Variants in MIPOL1 observed in about 807,000 individuals in gnomAD.
MIPOL1 encodes mirror-image polydactyly 1.
A neutral mutation model predicts 60.9 loss-of-function variants in MIPOL1; 57 were observed. The observed-to-expected ratio is 0.94, with a 90% CI of 0.76 to 1.17. The LOEUF (loss-of-function observed/expected upper bound fraction) is 1.17. Among genes scored for constraint, MIPOL1 ranks in the 50% most tolerant of loss-of-function variants. The pLI is 0.00. For synonymous variants in MIPOL1, 179 were observed against 168.8 expected (o/e 1.06, Z -0.47); for missense variants, 551 against 511.6 (o/e 1.08, Z -0.74).
At chr14:37,322,005 A>C (rs2088629633) in intron 9 of MIPOL1, among the ~76,000 whole-genome samples, 1 of 151,902 alleles carries the variant, frequency 6.6e-6, no homozygotes. Context: ...CTTGGAATCT[A>C]TTATTATATT....
intron 1 of MIPOL1, among the ~76,000 whole-genome samples, chr14:37,204,115 G>A (rs974903834): frequency 1.3e-5 from 2 of 151,988 alleles, no homozygotes; most frequent in African/African-American, 2.4e-5. Flanking sequence ...AACGACCACC[G>A]AGAGAGTTTG....
chr14:37,356,859 A>G (rs1348337827), intron 9 of MIPOL1, among the ~76,000 whole-genome samples: 1 of 152,116 alleles, frequency 6.6e-6, no homozygotes, highest in Non-Finnish European at 1.5e-5. Context: ...TGCAGAAATC[A>G]CTGTCTTCCC....
intron 12 of MIPOL1, among the ~76,000 whole-genome samples, chr14:37,544,532 CATT>C (rs2153643139): frequency 6.6e-6 from 1 of 152,294 alleles, no homozygotes; most frequent in Admixed American, 6.5e-5. Context: ...TTTTTAAGGA[CATT>C]ATTGATTTGG....
intron 3 of MIPOL1, among the ~76,000 whole-genome samples, chr14:37,251,517 G>A (rs1029213596): frequency 4.4e-4 from 66 of 150,568 alleles, no homozygotes; most frequent in African/African-American, 1.6e-3. Context: ...GATGTTTTGC[G>A]TTTTTGTGAA....
chr14:37,504,655 G>A (rs1441683541), intron 12 of MIPOL1: 1 of 152,124 alleles, frequency 6.6e-6, no homozygotes, highest in Non-Finnish European at 1.5e-5. Flanking sequence ...GAGAAAGCAA[G>A]AAAGATCTAA....
intron 3 of MIPOL1, among the ~76,000 whole-genome samples, chr14:37,262,881 C>T (rs764334517): frequency 5.3e-5 from 8 of 152,064 alleles, no homozygotes; most frequent in African/African-American, 1.2e-4. Context: ...CCATCAAATC[C>T]GTTTACACAG....
At chr14:37,537,616 A>C (rs1370007124) in intron 12 of MIPOL1, among the ~76,000 whole-genome samples, 1 of 152,144 alleles carries the variant, frequency 6.6e-6, no homozygotes, top group Non-Finnish European at 1.5e-5. Flanking sequence ...TTAATAGTGA[A>C]TGTGTTCAAA....
In MIPOL1 at chr14:37,309,670, T is replaced by G. The variant is rs2087123308; in HGVS notation, c.828+1151T>G. Among the ~76,000 whole-genome samples the G allele has an allele frequency of 2.6e-5, 4 of 151,738 alleles. No individual in the cohort carries two copies. The South Asian group carries it at 8.3e-4, about 31-fold the overall frequency. ...TGCTATCTTTCTAGCTCATTCATGC[T>G]AGAACTCTGACTCCAGCATTTTTTT... On this transcript the variant is annotated intron_variant, in intron 9 of 12. Transcript: ENST00000684589.
intron 10 of MIPOL1, among the ~76,000 whole-genome samples, chr14:37,408,365 C>T (rs1325497793): frequency 6.6e-6 from 1 of 152,128 alleles, no homozygotes; most frequent in South Asian, 2.1e-4. Flanking sequence ...TGCAGTGGCT[C>T]ACACCTGTAG....
Position 37,250,628 on chromosome 14 carries a change from G to A in MIPOL1, c.19+2721G>A, listed in dbSNP as rs535069276. Among the ~76,000 whole-genome samples the A allele has an allele frequency of 1.8e-4, 27 of 152,222 alleles. No individual in the cohort carries two copies. In the South Asian group the frequency reaches 5.2e-3, roughly 29 times the overall value. On this transcript the variant is annotated intron_variant, in intron 3 of 12. Coordinates refer to ENST00000684589, the MANE Select transcript of MIPOL1 (RefSeq NM_001388067.1). ...TTGGGATAACAGATATGTTTAAACA[G>A]TAAAATCTCACATCGTCATCTCCCT...
intron 5 of MIPOL1, 118 bp from the exon 6 acceptor site, chr14:37,270,302 A>G: frequency 2.1e-6 from 1 of 478,038 alleles, no homozygotes; most frequent in Non-Finnish European, 3.7e-6. Flanking sequence ...GGAGTTATCT[A>G]TCTAGGAAGT....
intron 3 of MIPOL1, among the ~76,000 whole-genome samples, chr14:37,254,441 A>T (rs1245046420): frequency 6.6e-6 from 1 of 151,804 alleles, no homozygotes; most frequent in Non-Finnish European, 1.5e-5. Context: ...ATTATTTTTT[A>T]AATTATGTTT....
At chr14:37,336,800 G>A (rs138434389) in intron 9 of MIPOL1, among the ~76,000 whole-genome samples, 22 of 151,090 alleles carry the variant, frequency 1.5e-4, no homozygotes, top group African/African-American at 2.9e-4. Flanking sequence ...TCACTCTGTC[G>A]CCCAGGCTAG....
At chr14:37,447,536 CAT>C (rs1487732407) in intron 11 of MIPOL1, among the ~76,000 whole-genome samples, 1 of 152,168 alleles carries the variant, frequency 6.6e-6, no homozygotes, top group Non-Finnish European at 1.5e-5. Flanking sequence ...GCTTTCCAAT[CAT>C]AGCTCCCTGA....
chr14:37,430,324 G>A (rs1413420450), intron 11 of MIPOL1, among the ~76,000 whole-genome samples: 1 of 151,600 alleles, frequency 6.6e-6, no homozygotes, highest in Non-Finnish European at 1.5e-5. Context: ...CCTTTATATG[G>A]TAGATTAAAT....
At chr14:37,299,734 C>T (rs758837818) in intron 7 of MIPOL1, among the ~76,000 whole-genome samples, 4 of 152,166 alleles carry the variant, frequency 2.6e-5, no homozygotes, top group South Asian at 2.1e-4. Context: ...ACTTTTGTCA[C>T]GGGGAGAATT....
At position 37,250,743 on chromosome 14, in the gene MIPOL1, GTTATT is replaced by G. The variant is rs1426363694; in HGVS notation, c.19+2843_19+2847del. Reference sequence around the variant, plus strand: ...TGTTCCTAGTCGGTTCCTTTGAATAGTTATTTTATTTAGTATAATTTTACTAATTT... The same window carrying G: ...TGTTCCTAGTCGGTTCCTTTGAATAGTTATTTAGTATAATTTTACTAATTT... On this transcript the variant is annotated intron_variant, in intron 3 of 12. Transcript: ENST00000684589. 3.9e-5 allele frequency among the ~76,000 whole-genome samples: 6 copies of G among 152,086 alleles called. No homozygotes were observed. The South Asian group carries it at 1.0e-3, about 26-fold the overall frequency.
intron 12 of MIPOL1, among the ~76,000 whole-genome samples, chr14:37,517,030 A>T (rs1031039386): frequency 6.6e-6 from 1 of 152,164 alleles, no homozygotes; most frequent in Non-Finnish European, 1.5e-5. Flanking sequence ...ACTAAAATTC[A>T]AAGTTAAAGG....
At chr14:37,501,032 C>A (rs1223756083) in intron 12 of MIPOL1, among the ~76,000 whole-genome samples, 1 of 152,158 alleles carries the variant, frequency 6.6e-6, no homozygotes, top group African/African-American at 2.4e-5. Flanking sequence ...AAAATGTCAT[C>A]TTGACCATTT....
Sources: gnomAD v4.1 joint callset for allele counts (sites outside exome capture counted in the v4.1 genomes callset) on GRCh38, gnomAD v4.1.1 for gene constraint, MANE v1.5 for transcripts, NCBI Gene and HGNC (gene_info 2026-07-23, HGNC 2026-07-21) for gene names.